Variants in DNAJC6 observed in about 807,000 individuals in gnomAD.
DNAJC6 encodes DnaJ heat shock protein family (Hsp40) member C6, also known as auxilin.
Under a neutral mutation model 110.0 loss-of-function variants are expected in DNAJC6, and 34 were observed. That is an observed-to-expected ratio of 0.31 (90% CI 0.24 to 0.41). The LOEUF (loss-of-function observed/expected upper bound fraction) is 0.41, where lower values mean the gene tolerates loss of function less well. Ranked by LOEUF, DNAJC6 falls within the 10% of genes least tolerant of loss-of-function variation. DNAJC6 has a pLI of 1.00. For synonymous variants in DNAJC6, 406 were observed against 437.2 expected (o/e 0.93, Z 0.89); for missense variants, 1,031 against 1,207.8 (o/e 0.85, Z 2.17).
At chr1:65,409,281 G>A (rs1052727881) in intron 17 of DNAJC6, among the ~76,000 whole-genome samples, 10 of 152,120 alleles carry the variant, frequency 6.6e-5, no homozygotes, top group South Asian at 4.1e-4. Context: ...ATTTCTGGTG[G>A]CCACTCTATT....
At chr1:65,380,189 T>G (rs1367132499) in intron 5 of DNAJC6, among the ~76,000 whole-genome samples, 1 of 152,240 alleles carries the variant, frequency 6.6e-6, no homozygotes, top group East Asian at 1.9e-4. Flanking sequence ...ATTTTCCCAC[T>G]AGACTATTAT....
chr1:65,264,860 A>T (rs752677870), exon 1 of DNAJC6: 1 of 1,611,166 alleles, frequency 6.2e-7, no homozygotes, highest in South Asian at 1.1e-5. Context: ...TCAGGGTTGC[A>T]GAATCAGCCG....
chr1:65,309,405 C>T (rs1474221588), upstream of DNAJC6: 2 of 325,380 alleles, frequency 6.1e-6, no homozygotes, highest in Non-Finnish European at 9.1e-6. Flanking sequence ...GGATTGCTTC[C>T]GGGCACTCCT....
In DNAJC6 at chr1:65,413,310, C is replaced by G; in HGVS notation, c.*285C>G. On this transcript the variant is annotated 3_prime_UTR_variant, in exon 19 of 19. Transcript: ENST00000371069. Reference sequence around the variant, plus strand: ...TTTGGGGAGCCTACTCAGCATTCTACCTGGGGAAATGGAAAACAGAGGCCA... The same window carrying G: ...TTTGGGGAGCCTACTCAGCATTCTAGCTGGGGAAATGGAAAACAGAGGCCA... 3.3e-6 allele frequency: 1 copy of G among 303,916 alleles called. No individual in the cohort carries two copies. The highest frequency in any genetic ancestry group is 4.5e-5 in the South Asian group (1 of 22,410). 18.8% of individuals were successfully genotyped at this position (303,916 alleles called of 1,614,324 possible). A position where few individuals can be genotyped will look rare whatever the true frequency, so the allele number is the denominator to read the frequency against.
intron 1 of DNAJC6, among the ~76,000 whole-genome samples, chr1:65,317,655 TGGTGTAGTA>T (rs1645160410): frequency 6.6e-6 from 1 of 152,206 alleles, no homozygotes; most frequent in Admixed American, 6.5e-5. Flanking sequence ...TGTTGTATTG[TGGTGTAGTA>T]CTCTACCTGG....
chr1:65,379,223 T>TA (rs527457501), intron 4 of DNAJC6, among the ~76,000 whole-genome samples, 179 bp from the exon 5 acceptor site: 243 of 152,342 alleles, frequency 1.6e-3, no homozygotes, highest in African/African-American at 5.6e-3. Flanking sequence ...TTCTTTAATT[T>TA]AAAAAATTGC....
Position 65,273,243 on chromosome 1 carries a change from AG to A in DNAJC6, c.-131+8313del, listed in dbSNP as rs113214143. 5.4e-3 allele frequency among the ~76,000 whole-genome samples: 823 copies of A among 152,254 alleles called. 2 individuals carry two copies. The highest frequency in any genetic ancestry group is 0.019 in the African/African-American group (796 of 41,528). The stretch of plus-strand genomic sequence containing the variant: ...TTATTTTTTAGTTTTTTGAGATAGA[AG>A]GTATCTTTGATTTTCAGCTTTTCTT... On this transcript the variant is annotated intron_variant, in intron 1 of 19. Transcript: ENST00000263441.
intron 1 of DNAJC6, among the ~76,000 whole-genome samples, chr1:65,346,596 T>G (rs146654904): frequency 6.6e-6 from 1 of 152,070 alleles, no homozygotes; most frequent in African/African-American, 2.4e-5. Flanking sequence ...CTTAGGAAAA[T>G]TACTTTCTTT....
chr1:65,326,955 C>G (rs531603563), intron 1 of DNAJC6, among the ~76,000 whole-genome samples: 7 of 152,244 alleles, frequency 4.6e-5, no homozygotes, highest in Non-Finnish European at 8.8e-5. Context: ...AGATGGATGG[C>G]AAAGCCCTAC....
intron 18 of DNAJC6, 149 bp downstream of exon 18, chr1:65,411,575 G>T: frequency 1.4e-6 from 1 of 733,838 alleles, no homozygotes; most frequent in Non-Finnish European, 2.2e-6. Context: ...TAAACAAATA[G>T]TTATACTTTA....
chr1:65,301,712 C>T (rs1174448504), intron 1 of DNAJC6, among the ~76,000 whole-genome samples: 1 of 152,154 alleles, frequency 6.6e-6, no homozygotes, highest in African/African-American at 2.4e-5. Flanking sequence ...GGAAGGTCCC[C>T]AAACCCTGTC....
chr1:65,394,985 G>A lies in DNAJC6; in HGVS notation c.1991G>A (p.Ser664Asn). The change falls in exon 13 of 19, where the codon AGT becomes AAT. Residue 664 changes from serine to asparagine, a missense_variant. By Grantham distance (46) the Ser-to-Asn change is conservative. Coordinates refer to ENST00000371069, the MANE Select transcript of DNAJC6 (RefSeq NM_001256864.2). ...GSFLNTSSAS[S>N]DPFLQPTRSP... ...TTTCTGAACACATCCAGTGCTTCCA[G>A]TGACCCCTTTCTCCAGCCAACAAGA... 1.2e-6 allele frequency: 2 copies of A among 1,612,448 alleles called. No individual in the cohort carries two copies. The highest frequency in any genetic ancestry group is 2.2e-5 in the South Asian group (2 of 90,560).
In DNAJC6 at chr1:65,380,916, G is replaced by GTTTTTTTTTTTTTTTT. The variant is rs796797174; in HGVS notation, c.666+1396_666+1397insTTTTTTTTTTTTTTTT. On this transcript the variant is annotated intron_variant, in intron 5 of 18. Coordinates refer to ENST00000371069, the MANE Select transcript of DNAJC6 (RefSeq NM_001256864.2). ...TTTTTTTTTTTTTGTTTTTTGTTTT[G>GTTTTTTTTTTTTTTTT]TTTTGTTTTTTTTTTTTTTTTGGGA... Among the ~76,000 whole-genome samples, 50 of 93,518 alleles carry GTTTTTTTTTTTTTTTT rather than the reference G, an allele frequency of 5.3e-4. 5 individuals are homozygous for GTTTTTTTTTTTTTTTT. The highest frequency in any genetic ancestry group is 2.4e-3 in the East Asian group (7 of 2,970). The allele number at this position is 93,518 out of a possible 152,430, so 61.4% of individuals were successfully genotyped here.
intron 1 of DNAJC6, among the ~76,000 whole-genome samples, chr1:65,321,827 G>C (rs973798704): frequency 6.6e-6 from 1 of 152,168 alleles, no homozygotes; most frequent in Non-Finnish European, 1.5e-5. Flanking sequence ...AAGAGGAATT[G>C]ACATCTTGGG....
intron 4 of DNAJC6, among the ~76,000 whole-genome samples, chr1:65,372,930 CA>C (rs1645721674): frequency 6.6e-6 from 1 of 152,150 alleles, no homozygotes; most frequent in South Asian, 2.1e-4. Flanking sequence ...AGTTTAATTA[CA>C]TTTATATTAT....
chr1:65,337,903 C>T (rs1245053183), intron 1 of DNAJC6, among the ~76,000 whole-genome samples: 1 of 152,164 alleles, frequency 6.6e-6, no homozygotes, highest in African/African-American at 2.4e-5. Flanking sequence ...AATGGACCAT[C>T]TTTGGTCATG....
rs1431585083 is a variant in DNAJC6 at position 65,392,579 on chromosome 1, C to A, written c.1617C>A (p.Ser539Arg). 6.2e-7 allele frequency: 1 copy of A among 1,614,078 alleles called. No homozygotes were observed. The highest frequency in any genetic ancestry group is 8.5e-7 in the Non-Finnish European group (1 of 1,180,000). ...GDKPHGVKKP[S>R]KKQQEPAAPP... The stretch of plus-strand genomic sequence containing the variant: ...AGCCTCATGGAGTCAAGAAGCCCAG[C>A]AAAAAGCAGCAGGAGCCAGCAGCCC... The change falls in exon 12 of 19, where the codon AGC (serine) becomes AGA (arginine). Residue 539 changes from serine (S) to arginine (R), a missense_variant. By Grantham distance (110) the Ser-to-Arg change is moderately radical. Coordinates refer to ENST00000371069, the MANE Select transcript of DNAJC6 (RefSeq NM_001256864.2).
intron 15 of DNAJC6, among the ~76,000 whole-genome samples, chr1:65,405,382 T>A (rs1646065537): frequency 2.0e-5 from 3 of 152,246 alleles, no homozygotes; most frequent in Admixed American, 2.0e-4. Flanking sequence ...AAATGATGAA[T>A]CCTAATAATT....
chr1:65,279,127 G>C, intron 1 of DNAJC6: 1 of 985,426 alleles, frequency 1.0e-6, no homozygotes, highest in Non-Finnish European at 1.2e-6. Context: ...CACAAGGTAT[G>C]TTTGATCCTC....
Sources: allele counts gnomAD v4.1 joint callset (sites outside exome capture counted in the v4.1 genomes callset), GRCh38; gene constraint gnomAD v4.1.1; transcripts MANE v1.5; gene names NCBI Gene and HGNC (gene_info 2026-07-23, HGNC 2026-07-21).